Variants in PTPRD observed in about 807,000 individuals in gnomAD.
PTPRD encodes receptor-type tyrosine-protein phosphatase delta.
PTPRD carries 34 observed loss-of-function variants against 214.5 expected under a neutral mutation model. The ratio of observed to expected loss-of-function variants is 0.16; its 90% CI spans 0.12 to 0.21. The LOEUF (loss-of-function observed/expected upper bound fraction) is 0.21, where lower values mean the gene tolerates loss of function less well. Ranked by LOEUF, PTPRD falls within the 10% of genes least tolerant of loss-of-function variation. The pLI is 1.00. For synonymous variants in PTPRD, 1,128 were observed against 845.7 expected, an observed-to-expected ratio of 1.33 and a Z score of -5.79; for missense variants, 2,545 against 2,398.7, an observed-to-expected ratio of 1.06 and a Z score of -1.27.
rs1450635041 is a variant in PTPRD, at chr9:9,999,709, T to C, written c.-472+34009A>G. Among the ~76,000 whole-genome samples the C allele has an allele frequency of 5.9e-5, 9 of 152,332 alleles. No individual in the cohort carries two copies. In the South Asian group the frequency reaches 1.7e-3, roughly 28 times the overall value. On this transcript the variant is annotated intron_variant, in intron 4 of 45. Coordinates refer to ENST00000381196, the MANE Select transcript of PTPRD (RefSeq NM_002839.4). ...ATTGCTGTAATATTTTGCCTCATTATACTTAGAGCAGGATAAGTAGTTACA... is the reference window on the plus strand; with the variant it reads ...ATTGCTGTAATATTTTGCCTCATTACACTTAGAGCAGGATAAGTAGTTACA...
chr9:8,505,798 C>A (rs1450066115), intron 22 of PTPRD, among the ~76,000 whole-genome samples: 2 of 152,010 alleles, frequency 1.3e-5, no homozygotes, highest in Admixed American at 6.6e-5. Context: ...AGCACAGTAG[C>A]TATGCCAACA....
Position 8,340,139 on chromosome 9 carries a change from G to C in PTPRD, c.5253+204C>G, listed in dbSNP as rs143618604. On this transcript the variant is annotated intron_variant, in intron 42 of 45. Coordinates refer to ENST00000381196, the MANE Select transcript of PTPRD (RefSeq NM_002839.4). ...GTGCTTCACTGGAAACAAATCACTA[G>C]ATCTTTCTTTAAAACACATAAATTT... 1.6e-3 allele frequency among the ~76,000 whole-genome samples: 236 copies of C among 152,214 alleles called. 1 individual carries two copies. The highest frequency in any genetic ancestry group is 6.8e-3 in the Middle Eastern group (2 of 294).
intron 3 of PTPRD, among the ~76,000 whole-genome samples, chr9:10,228,817 T>C (rs1248543668): frequency 6.6e-6 from 1 of 150,936 alleles, no homozygotes; most frequent in African/African-American, 2.4e-5. Flanking sequence ...TAACTTTATA[T>C]AGATATAAAA....
At chr9:10,132,004 C>T (rs551567417) in intron 3 of PTPRD, among the ~76,000 whole-genome samples, 9 of 152,156 alleles carry the variant, frequency 5.9e-5, no homozygotes, top group East Asian at 3.9e-4. Flanking sequence ...ACACACCATT[C>T]GGTTAGCTAT....
At chr9:10,606,981 C>T (rs147229005) in intron 2 of PTPRD, among the ~76,000 whole-genome samples, 105 of 151,936 alleles carry the variant, frequency 6.9e-4, no homozygotes, top group African/African-American at 2.2e-3. Context: ...AATCATAATA[C>T]TTTAATTGTT....
At chr9:8,681,428 G>T (rs551178212) in intron 12 of PTPRD, among the ~76,000 whole-genome samples, 1 of 152,314 alleles carries the variant, frequency 6.6e-6, no homozygotes, top group Admixed American at 6.5e-5. Context: ...AGGCTAGTTT[G>T]AAGCAACAGT....
chr9:9,695,064 T>C (rs2097346045), intron 7 of PTPRD, among the ~76,000 whole-genome samples: 1 of 152,146 alleles, frequency 6.6e-6, no homozygotes, highest in Non-Finnish European at 1.5e-5. Context: ...GCTGAGAGTA[T>C]GCTGGGTCTC....
chr9:8,862,746 C>T (rs1358058809), intron 11 of PTPRD, among the ~76,000 whole-genome samples: 1 of 152,236 alleles, frequency 6.6e-6, no homozygotes, highest in Non-Finnish European at 1.5e-5. Flanking sequence ...CAGCACTGTC[C>T]TCTTTAAGAA....
At chr9:10,511,913 TAC>T (rs1472099438) in intron 2 of PTPRD, among the ~76,000 whole-genome samples, 1 of 122,374 alleles carries the variant, frequency 8.2e-6, no homozygotes, top group African/African-American at 3.0e-5. Flanking sequence ...CATATATATA[TAC>T]GTGTATATAT....
intron 5 of PTPRD, among the ~76,000 whole-genome samples, chr9:9,923,238 CCTTT>C (rs1330563670): frequency 7.5e-5 from 9 of 120,280 alleles, no homozygotes; most frequent in African/African-American, 2.0e-4. Context: ...ATTTTTACAC[CCTTT>C]CTGTTAGTTT....
intron 14 of PTPRD, among the ~76,000 whole-genome samples, chr9:8,629,920 G>C (rs11795266): frequency 0.014 from 2,169 of 151,840 alleles, 25 homozygotes; most frequent in South Asian, 0.047. Context: ...TGAGAGTAAG[G>C]GTAATTTGAA....
chr9:10,277,226 A>G lies in PTPRD; in HGVS notation c.-545+63737T>C, dbSNP rs142016932. On this transcript the variant is annotated intron_variant, in intron 3 of 45. Transcript: ENST00000381196. ...ATAAACATAAACATACAACATAAAC[A>G]TAAACATAAAACATAAACATAAAAA... Among the ~76,000 whole-genome samples, 975 of 145,622 alleles carry G rather than the reference A, an allele frequency of 6.7e-3. 16 individuals are homozygous for G. The highest frequency in any genetic ancestry group is 0.023 in the African/African-American group (924 of 40,988).
At chr9:9,171,290 T>G (rs912674586) in intron 10 of PTPRD, among the ~76,000 whole-genome samples, 17 of 151,632 alleles carry the variant, frequency 1.1e-4, no homozygotes, top group Admixed American at 7.9e-4. Flanking sequence ...CCCTGTAAAA[T>G]GTGAAGGGAA....
At chr9:9,524,056 AT>A (rs910089091) in intron 8 of PTPRD, among the ~76,000 whole-genome samples, 4 of 152,138 alleles carry the variant, frequency 2.6e-5, no homozygotes, top group Admixed American at 2.6e-4. Context: ...ATCAAGTTAT[AT>A]TTTGAACTGT....
chr9:10,316,265 C>T (rs2096428652), intron 3 of PTPRD, among the ~76,000 whole-genome samples: 1 of 150,704 alleles, frequency 6.6e-6, no homozygotes, highest in African/African-American at 2.4e-5. Context: ...TATACTATTC[C>T]CAATAATTTA....
chr9:10,402,331 G>C (rs1311221274), intron 2 of PTPRD, among the ~76,000 whole-genome samples: 1 of 151,558 alleles, frequency 6.6e-6, no homozygotes, highest in African/African-American at 2.4e-5. Flanking sequence ...GATTCTGAAG[G>C]GAATCATATT....
At chr9:8,432,878 C>G (rs10815872) in intron 35 of PTPRD, among the ~76,000 whole-genome samples, 16,705 of 152,210 alleles carry the variant, frequency 0.11, 1,631 homozygotes, top group East Asian at 0.39. Flanking sequence ...GCTATCAGGT[C>G]CACAGCTAAG....
At chr9:9,541,544 T>C (rs1182878718) in intron 8 of PTPRD, among the ~76,000 whole-genome samples, 2 of 151,864 alleles carry the variant, frequency 1.3e-5, no homozygotes, top group African/African-American at 2.4e-5. Context: ...ACTGGTTTCA[T>C]AGATATCTGA....
chr9:10,004,037 C>T (rs1340219198), intron 4 of PTPRD, among the ~76,000 whole-genome samples: 1 of 151,782 alleles, frequency 6.6e-6, no homozygotes, highest in Non-Finnish European at 1.5e-5. Context: ...GGTACACTAA[C>T]AGTCTTCAAA....
Sources: gnomAD v4.1 joint callset for allele counts (sites outside exome capture counted in the v4.1 genomes callset) on GRCh38, gnomAD v4.1.1 for gene constraint, MANE v1.5 for transcripts, NCBI Gene and HGNC (gene_info 2026-07-23, HGNC 2026-07-21) for gene names.